EPS8L1: variants seen among roughly 807,000 people sequenced by gnomAD.
The protein encoded by EPS8L1 is EPS8 signaling adaptor L1, also known as epidermal growth factor receptor kinase substrate 8-like protein 1.
A neutral mutation model predicts 91.7 loss-of-function variants in EPS8L1; 101 were observed. The observed-to-expected ratio is 1.10, with a 90% confidence interval of 0.94 to 1.30. EPS8L1 has a LOEUF of 1.30. Among genes scored for constraint, EPS8L1 ranks in the 50% most tolerant of loss-of-function variants. The pLI, the probability that EPS8L1 is intolerant of heterozygous loss-of-function variation, is 0.00. For synonymous variants in EPS8L1, 506 were observed against 445.3 expected, an observed-to-expected ratio of 1.14 and a Z score of -1.72; for missense variants, 1,114 against 1,017.0, an observed-to-expected ratio of 1.10 and a Z score of -1.30.
intron 4 of EPS8L1, 21 bp from the exon 5 acceptor site, chr19:55,079,669 T>C (rs759805541): frequency 9.3e-6 from 15 of 1,607,328 alleles, no homozygotes; most frequent in Non-Finnish European, 5.1e-6. Flanking sequence ...GCCTCACTGC[T>C]TTCTCCATGG....
At chr19:55,086,635 G>GGCGC in intron 17 of EPS8L1, 79 bp from the exon 18 acceptor site, 1 of 1,307,706 alleles carries the variant, frequency 7.6e-7, no homozygotes. Context: ...ACGCTGGAGC[G>GGCGC]CCCCCCCGCC....
In EPS8L1 at chr19:55,087,437, T is replaced by C. The variant is rs1602958990; in HGVS notation, c.2085+2T>C. ...ACCGTGCAGCGCTCGCTGCTGGAGG[T>C]GAGCCGGACCGCTGGTCCCTGGGTC... On this transcript the variant is annotated splice_donor_variant, in intron 19 of 19. Coordinates refer to ENST00000201647, the MANE Select transcript of EPS8L1 (RefSeq NM_133180.3). LOFTEE classifies it high-confidence loss of function. The C allele has an allele frequency of 1.1e-5, 17 of 1,613,936 alleles. No individual in the cohort carries two copies. Among genetic ancestry groups the C allele is most frequent in the Non-Finnish European group, 1.4e-5 (16 of 1,179,964 alleles).
At position 55,086,211 on chromosome 19, in the gene EPS8L1, T is replaced by C. The variant is rs1191946059; in HGVS notation, c.1650+19T>C. The C allele has an allele frequency of 2.5e-6, 4 of 1,592,754 alleles. No individual in the cohort carries two copies. Among genetic ancestry groups the C allele is most frequent in the East Asian group, 2.2e-5 (1 of 44,712 alleles). On this transcript the variant is annotated intron_variant, in intron 16 of 19. Coordinates refer to ENST00000201647, the MANE Select transcript of EPS8L1 (RefSeq NM_133180.3). ...CAGCCTGGTGAGCCAGCGCAGACGC[T>C]GGGATCTTGAGGGTGGAGAGGCTGG...
Position 55,079,003 on chromosome 19 carries a change from G to C in EPS8L1, c.63G>C (p.Gln21His), listed in dbSNP as rs1394236301. The change falls in exon 4 of 20, where the codon CAG becomes CAC. Residue 21 changes from glutamine (Q) to histidine (H), a missense_variant. By Grantham distance (24) the Gln-to-His change is conservative. Transcript: ENST00000201647. ...PKPSAKSIYE[Q>H]RKRYSTVVMA... is the part of the protein sequence containing the mutation. Reference sequence around the variant, plus strand: ...ATTCTCTTTCTCCCCTGGCAGAGCAGAGGAAGCGTTACTCCACAGTTGTTA... The same window carrying C: ...ATTCTCTTTCTCCCCTGGCAGAGCACAGGAAGCGTTACTCCACAGTTGTTA... 5 of 1,613,964 alleles carry C rather than the reference G, an allele frequency of 3.1e-6. No homozygotes were observed. The highest frequency in any genetic ancestry group is 4.2e-6 in the Non-Finnish European group (5 of 1,179,926).
In EPS8L1 at chr19:55,083,631, G is replaced by C. The variant is rs749551506; in HGVS notation, c.1372G>C (p.Val458Leu). The C allele has an allele frequency of 1.4e-5, 23 of 1,595,102 alleles. 1 individual carries two copies. The Admixed American group carries it at 3.7e-4, about 26-fold the overall frequency. ...CTTCCTACAGCAAAGCGCCCCCCAG[G>C]TCGCTGTCAATGGGTGAGTGTCCGC... ...RRRRQQSAPQ[V>L]AVNGHRDLEP... The change falls in exon 14 of 20, where the codon GTC (valine) becomes CTC (leucine). Residue 458 changes from valine to leucine, a missense_variant. By Grantham distance (32) the Val-to-Leu change is conservative. Coordinates refer to ENST00000201647, the MANE Select transcript of EPS8L1 (RefSeq NM_133180.3). The surrounding 1 kb of genome is among the most constrained non-coding windows in gnomAD (Gnocchi z 4.7).
chr19:55,086,017 A>C (rs1266555664), intron 15 of EPS8L1, 44 bp downstream of exon 15: 2 of 1,601,110 alleles, frequency 1.2e-6, no homozygotes, highest in South Asian at 2.2e-5. Flanking sequence ...AGCCAGCCCT[A>C]GCTGCAGACA....
rs2076323298 is a variant in EPS8L1 at position 55,083,740 on chromosome 19, T to C, written c.1385+96T>C. ...TCCGCCCCCTTTTTTTCTGTGTTTT[T>C]CCTTCTGTCTTCCTGGCTCTTCTCA... On this transcript the variant is annotated intron_variant, in intron 14 of 19. Transcript: ENST00000201647. This position sits in a 1 kb window ranked among gnomAD's most constrained non-coding sequence, Gnocchi z 4.7. 7.2e-7 allele frequency: 1 copy of C among 1,380,562 alleles called. No individual in the cohort carries two copies. Among genetic ancestry groups the C allele is most frequent in the Non-Finnish European group, 9.7e-7 (1 of 1,029,614 alleles). 85.5% of individuals were successfully genotyped at this position (1,380,562 alleles called of 1,614,324 possible). A position where few individuals can be genotyped will look rare whatever the true frequency, so the allele number is the denominator to read the frequency against.
chr19:55,082,006 C>T (rs1246831392), intron 9 of EPS8L1, 86 bp from the exon 10 acceptor site: 4 of 1,551,558 alleles, frequency 2.6e-6, no homozygotes, highest in East Asian at 2.4e-5. Flanking sequence ...CTGACCTCAC[C>T]GCCATCTTAA....
intron 14 of EPS8L1, chr19:55,084,047 T>C (rs2076330370): frequency 2.5e-6 from 1 of 404,070 alleles, no homozygotes; most frequent in Non-Finnish European, 4.5e-6. Flanking sequence ...GGGGAGAGGC[T>C]GGGGAATTGG....
At chr19:55,077,584 CTTT>C (rs35750835) in intron 2 of EPS8L1, among the ~76,000 whole-genome samples, 9 of 76,894 alleles carry the variant, frequency 1.2e-4, no homozygotes, top group Admixed American at 5.6e-4. Context: ...CCTGACCTGT[CTTT>C]TTTTTTTTTT....
chr19:55,087,282 G>T, intron 18 of EPS8L1, 21 bp from the exon 19 acceptor site: 2 of 1,583,906 alleles, frequency 1.3e-6, no homozygotes, highest in Non-Finnish European at 1.7e-6. Context: ...GCCTGACCGC[G>T]CCCGGGCTGC....
chr19:55,082,905 G>A (rs1428510344), intron 12 of EPS8L1, among the ~76,000 whole-genome samples: 1 of 152,114 alleles, frequency 6.6e-6, no homozygotes, highest in Non-Finnish European at 1.5e-5. Context: ...CGAAGGGGCG[G>A]GGCTTCTGGA....
At position 55,081,604 on chromosome 19, in the gene EPS8L1, C is replaced by T; in HGVS notation, c.774+112C>T. On this transcript the variant is annotated intron_variant, in intron 8 of 19. Coordinates refer to ENST00000201647, the MANE Select transcript of EPS8L1 (RefSeq NM_133180.3). The surrounding 1 kb of genome is among the most constrained non-coding windows in gnomAD (Gnocchi z 4.9). Reference sequence around the variant, plus strand: ...CGGGCGTTCTCTGGTCAGACTTCTGCGTTATGGAAGAGGGGCTGGGTCGGG... The same window carrying T: ...CGGGCGTTCTCTGGTCAGACTTCTGTGTTATGGAAGAGGGGCTGGGTCGGG... 1.5e-6 allele frequency: 2 copies of T among 1,312,122 alleles called. No individual in the cohort carries two copies. The highest frequency in any genetic ancestry group is 2.0e-6 in the Non-Finnish European group (2 of 1,011,842). The allele number at this position is 1,312,122 out of a possible 1,614,324, so 81.3% of individuals were successfully genotyped here. A position where few individuals can be genotyped will look rare whatever the true frequency, so the allele number is the denominator to read the frequency against.
intron 14 of EPS8L1, among the ~76,000 whole-genome samples, chr19:55,085,065 G>A (rs2076340982): frequency 6.6e-6 from 1 of 152,178 alleles, no homozygotes; most frequent in South Asian, 2.1e-4. Context: ...CTGGGGGAGA[G>A]AGGGGAGTCC....
rs1602959918 is a variant in EPS8L1 at position 55,087,808 on chromosome 19, T to G, written c.*194T>G. On this transcript the variant is annotated 3_prime_UTR_variant, in exon 20 of 20. Coordinates refer to ENST00000201647, the MANE Select transcript of EPS8L1 (RefSeq NM_133180.3). ...GGAGAGGATCTGGACTGGCTGGGAG[T>G]GGGGAGGGCGTGGAGACAGTCTACG... The G allele has an allele frequency of 1.6e-6, 1 of 618,846 alleles. No homozygotes were observed. Among genetic ancestry groups the G allele is most frequent in the Non-Finnish European group, 2.8e-6 (1 of 351,468 alleles). 38.3% of individuals were successfully genotyped at this position (618,846 alleles called of 1,614,324 possible).
In EPS8L1 at chr19:55,082,104, C is replaced by T. The variant is rs538588765; in HGVS notation, c.914C>T (p.Thr305Met). ...RRRAAGEGLL[T>M]LRAKPPSEAE... is the part of the protein sequence containing the mutation. Reference sequence around the variant, plus strand: ...CTGCTCCCCTCAGAGGGCTTGCTGACGCTGCGGGCCAAGCCGCCCTCGGAG... The same window carrying T: ...CTGCTCCCCTCAGAGGGCTTGCTGATGCTGCGGGCCAAGCCGCCCTCGGAG... Residue 305 changes from threonine to methionine, a missense_variant, in exon 10 of 20, where the codon ACG (threonine) becomes ATG (methionine). Transcript: ENST00000201647. The T allele has an allele frequency of 1.9e-6, 3 of 1,594,866 alleles. No homozygotes were observed. Among genetic ancestry groups the T allele is most frequent in the South Asian group, 1.1e-5 (1 of 88,628 alleles).
Position 55,083,275 on chromosome 19 carries a change from G to T in EPS8L1, c.1215-103G>T, listed in dbSNP as rs2076309112. On this transcript the variant is annotated intron_variant, in intron 12 of 19. Coordinates refer to ENST00000201647, the MANE Select transcript of EPS8L1 (RefSeq NM_133180.3). The surrounding 1 kb of genome is among the most constrained non-coding windows in gnomAD (Gnocchi z 4.7). ...AAAAGTGGCGGGGCTAGAATCGTTG[G>T]AATACAGCGAGCTTTAGGGGAAAAC... is the stretch of plus-strand genomic sequence containing the variant. 1 of 1,454,056 alleles carries T rather than the reference G, an allele frequency of 6.9e-7. No individual in the cohort carries two copies. The allele number at this position is 1,454,056 out of a possible 1,614,324, so 90.1% of individuals were successfully genotyped here. A position where few individuals can be genotyped will look rare whatever the true frequency, so the allele number is the denominator to read the frequency against.
chr19:55,076,492 C>T lies in EPS8L1; in HGVS notation c.17+31C>T, dbSNP rs752301904. 1.4e-5 allele frequency: 23 copies of T among 1,609,294 alleles called. No individual in the cohort carries two copies. The South Asian group carries it at 2.4e-4, about 17-fold the overall frequency. On this transcript the variant is annotated intron_variant, in intron 2 of 19. Coordinates refer to ENST00000201647, the MANE Select transcript of EPS8L1 (RefSeq NM_133180.3). ...CGCCCCCGGACCCCAGGTCCCAGCC[C>T]CAGCACGCCTCCCGCCTCCCCTCGC...
chr19:55,085,094 A>T (rs564224575), intron 14 of EPS8L1, among the ~76,000 whole-genome samples: 5 of 152,352 alleles, frequency 3.3e-5, no homozygotes, highest in African/African-American at 1.2e-4. Flanking sequence ...GGTTCTACCA[A>T]CCGTTGTCAT....
Sources: gnomAD v4.1 joint callset for allele counts (sites outside exome capture counted in the v4.1 genomes callset) on GRCh38, gnomAD v4.1.1 for gene constraint, Gnocchi (gnomAD v3.1) non-coding constraint, MANE v1.5 for transcripts, NCBI Gene and HGNC (gene_info 2026-07-23, HGNC 2026-07-21) for gene names.